The following ANKRD11 variants were observed in gnomAD, a reference collection of about 807,000 sequenced individuals.
ANKRD11 encodes the protein ankyrin repeat domain 11.
In ANKRD11, 17 loss-of-function variants were observed where a neutral mutation model predicts 195.7. The observed-to-expected ratio is 0.09, with a 90% CI of 0.06 to 0.13. ANKRD11 has a LOEUF of 0.13. Among genes scored for constraint, ANKRD11 ranks in the 10% least tolerant of loss-of-function variants. ANKRD11 has a pLI of 1.00. For missense variants in ANKRD11, 3,735 were observed against 3,566.1 expected (o/e 1.05, Z -1.21); for synonymous variants, 1,953 against 1,528.1 (o/e 1.28, Z -6.49).
chr16:89,480,108 C>G (rs982131820), intron 1 of ANKRD11, among the ~76,000 whole-genome samples: 1 of 150,210 alleles, frequency 6.7e-6, no homozygotes, highest in African/African-American at 2.5e-5. Context: ...AAGACTCAGT[C>G]TCAAAAAAAA....
intron 4 of ANKRD11, chr16:89,298,948 G>A (rs996964436): frequency 6.6e-6 from 1 of 152,284 alleles, no homozygotes; most frequent in African/African-American, 2.4e-5. Flanking sequence ...GGTAACCCCA[G>A]AATCCTCACT....
At chr16:89,339,247 G>A (rs2038535766) in intron 2 of ANKRD11, among the ~76,000 whole-genome samples, 1 of 152,198 alleles carries the variant, frequency 6.6e-6, no homozygotes, top group East Asian at 1.9e-4. Context: ...TTGCTGTTTA[G>A]GTCAAAATCA....
chr16:89,398,428 A>T (rs7187174), intron 2 of ANKRD11, among the ~76,000 whole-genome samples: 38,816 of 80,162 alleles, frequency 0.48, 14,289 homozygotes, highest in Middle Eastern at 0.72. Context: ...GAGGCTGACA[A>T]GAGGGACACT....
chr16:89,342,502 G>C (rs918641395), intron 2 of ANKRD11, among the ~76,000 whole-genome samples: 9 of 152,226 alleles, frequency 5.9e-5, no homozygotes, highest in African/African-American at 1.9e-4. Context: ...GGCAGGGAGA[G>C]GCCAGCGTGA....
At chr16:89,302,053 C>T (rs1007790575) in intron 4 of ANKRD11, among the ~76,000 whole-genome samples, 2 of 152,236 alleles carry the variant, frequency 1.3e-5, no homozygotes, top group East Asian at 3.9e-4. Context: ...AGAAGAGTCT[C>T]TTGTCTGTCA....
chr16:89,281,482 T>C lies in ANKRD11; in HGVS notation c.5060A>G (p.Glu1687Gly). ...AGGCCTGGGGGACGCAGGCAGGACCTCTTTCATGTGAGGGCCTGCCAGCCA... is the reference window on the plus strand; with the variant it reads ...AGGCCTGGGGGACGCAGGCAGGACCCCTTTCATGTGAGGGCCTGCCAGCCA... Reference protein sequence around the residue: ...KDWLAGPHMKEVLPASPRPDQ... With the variant: ...KDWLAGPHMKGVLPASPRPDQ... Residue 1687 changes from glutamate to glycine, a missense_variant, in exon 9 of 13, where the codon GAG becomes GGG. Coordinates refer to ENST00000301030, the MANE Select transcript of ANKRD11 (RefSeq NM_013275.6). This position sits in a 1 kb window ranked among gnomAD's most constrained non-coding sequence, Gnocchi z 5.5. 1 of 1,614,176 alleles carries C rather than the reference T, an allele frequency of 6.2e-7. No individual in the cohort carries two copies. Among genetic ancestry groups the C allele is most frequent in the Non-Finnish European group, 8.5e-7 (1 of 1,180,018 alleles).
chr16:89,301,547 G>A (rs1458710957), intron 4 of ANKRD11: 1 of 398,746 alleles, frequency 2.5e-6, no homozygotes, highest in Admixed American at 4.4e-5. Flanking sequence ...GCTGTCTTGG[G>A]GCCGGGACAT....
chr16:89,487,107 A>G (rs2057643248), intron 1 of ANKRD11, among the ~76,000 whole-genome samples: 1 of 152,142 alleles, frequency 6.6e-6, no homozygotes, highest in African/African-American at 2.4e-5. Context: ...AATTCATTCC[A>G]TTTTTCTATA....
At chr16:89,472,236 G>A (rs559520581) in intron 1 of ANKRD11, among the ~76,000 whole-genome samples, 156 of 152,290 alleles carry the variant, frequency 1.0e-3, no homozygotes, top group Non-Finnish European at 1.8e-3. Context: ...AAAGTGAGAG[G>A]CAAATGGGGA....
At chr16:89,430,293 A>G (rs1365982727) in intron 1 of ANKRD11, among the ~76,000 whole-genome samples, 1 of 140,818 alleles carries the variant, frequency 7.1e-6, no homozygotes, top group Non-Finnish European at 1.5e-5. Flanking sequence ...CAGTCGTTCT[A>G]GTACACAGCA....
intron 2 of ANKRD11, among the ~76,000 whole-genome samples, chr16:89,408,206 AACTCCCTGAGAGAGCTC>A (rs1186972576): frequency 6.6e-6 from 1 of 152,160 alleles, no homozygotes; most frequent in Non-Finnish European, 1.5e-5. Flanking sequence ...TCGGCCAAGA[AACTCCCTGAGAGAGCTC>A]ACACCAGCGC....
chr16:89,476,443 T>C (rs945838149), intron 1 of ANKRD11, among the ~76,000 whole-genome samples: 7 of 152,150 alleles, frequency 4.6e-5, no homozygotes, highest in African/African-American at 1.7e-4. Context: ...AACGATATCA[T>C]TTACACATCA....
intron 2 of ANKRD11, among the ~76,000 whole-genome samples, chr16:89,374,706 T>C (rs1012062387): frequency 2.6e-5 from 4 of 152,072 alleles, no homozygotes; most frequent in Admixed American, 2.6e-4. Flanking sequence ...TCAACTCTGC[T>C]CAGGTAAGGA....
Position 89,464,187 on chromosome 16 carries a change from G to C in ANKRD11, c.-145+26058C>G, listed in dbSNP as rs1423601704. Among the ~76,000 whole-genome samples, 5 of 149,794 alleles carry C rather than the reference G, an allele frequency of 3.3e-5. No individual in the cohort carries two copies. The East Asian group carries it at 6.0e-4, about 18-fold the overall frequency. ...CTGGGAGGTGGAGGCTGTAGCGAGC[G>C]AAGATCGCACCACTGCACTCCAGCC... On this transcript the variant is annotated intron_variant, in intron 1 of 12. Coordinates refer to ENST00000301030, the MANE Select transcript of ANKRD11 (RefSeq NM_013275.6).
At chr16:89,464,274 C>G (rs1007086174) in intron 1 of ANKRD11, among the ~76,000 whole-genome samples, 1 of 150,044 alleles carries the variant, frequency 6.7e-6, no homozygotes, top group Non-Finnish European at 1.5e-5. Context: ...TGGAATCTAA[C>G]CCTCTTATCT....
intron 2 of ANKRD11, among the ~76,000 whole-genome samples, chr16:89,338,201 G>A (rs777278963): frequency 5.9e-5 from 9 of 152,070 alleles, no homozygotes; most frequent in African/African-American, 9.7e-5. Flanking sequence ...ACTGTGCCGG[G>A]GGGTGGGACC....
chr16:89,450,524 A>G (rs2152313748), intron 1 of ANKRD11, among the ~76,000 whole-genome samples: 1 of 152,310 alleles, frequency 6.6e-6, no homozygotes, highest in East Asian at 1.9e-4. Flanking sequence ...TTTAACTTCT[A>G]GACCCGCTTT....
intron 1 of ANKRD11, among the ~76,000 whole-genome samples, chr16:89,468,838 C>T (rs1428030988): frequency 6.6e-6 from 1 of 152,136 alleles, no homozygotes; most frequent in Non-Finnish European, 1.5e-5. Context: ...ACCCTGCCAG[C>T]CAATGTATCC....
intron 2 of ANKRD11, among the ~76,000 whole-genome samples, chr16:89,359,307 C>T (rs1470437569): frequency 1.3e-5 from 2 of 152,104 alleles, no homozygotes; most frequent in South Asian, 2.1e-4. Flanking sequence ...TCCAGAAAAT[C>T]CCAGAGCAGC....
Sources: gnomAD v4.1 joint callset for allele counts (sites outside exome capture counted in the v4.1 genomes callset) on GRCh38, gnomAD v4.1.1 for gene constraint, Gnocchi (gnomAD v3.1) non-coding constraint, MANE v1.5 for transcripts, NCBI Gene and HGNC (gene_info 2026-07-23, HGNC 2026-07-21) for gene names.